The following MAGEA4 variants were observed in gnomAD, a reference collection of about 807,000 sequenced individuals.
MAGEA4 encodes MAGE family member A4.
A neutral mutation model predicts 13.7 loss-of-function variants in MAGEA4; 1 was observed. That is an observed-to-expected ratio of 0.07 (90% CI 0.03 to 0.35). MAGEA4 has a LOEUF of 0.35. MAGEA4 is among the 10% of genes least tolerant of loss of function. The pLI is 0.99. For synonymous variants in MAGEA4, 132 were observed against 101.1 expected (o/e 1.31, Z -1.83); for missense variants, 312 against 245.1 (o/e 1.27, Z -1.82).
chrX:151,913,721 C>A (rs1433870892), intron 1 of MAGEA4: 3 of 505,001 alleles, frequency 5.9e-6, no homozygotes, highest in Non-Finnish European at 7.3e-6. Context: ...CACCACCCCA[C>A]TGCCTCTGAA....
At chrX:151,919,806 C>T in intron 1 of MAGEA4, 4 of 729,511 alleles carry the variant, frequency 5.5e-6, no homozygotes, top group Non-Finnish European at 6.5e-6. Flanking sequence ...GCTCCCAGCC[C>T]TGGGCCACTC....
rs1183177138 is a variant in MAGEA4, at chrX:151,917,861, G to A, written c.-138+4892G>A. On this transcript the variant is annotated intron_variant, in intron 1 of 2. Coordinates refer to ENST00000276344, the MANE Select transcript of MAGEA4 (RefSeq NM_001011548.1). The stretch of plus-strand genomic sequence containing the variant: ...GGAGTCAGAGCTTGGGGTGTTTAGT[G>A]TAAGACTAGTGAGGCCAGGCTCTGC... Among the ~76,000 whole-genome samples the A allele has an allele frequency of 1.2e-4, 12 of 101,324 alleles. No homozygotes were observed. In the South Asian group the frequency reaches 6.1e-3, roughly 52 times the overall value. The allele number at this position is 101,324 out of a possible 115,157, so 88.0% of individuals were successfully genotyped here.
intron 1 of MAGEA4, among the ~76,000 whole-genome samples, chrX:151,920,760 T>C (rs987042459): frequency 9.4e-6 from 1 of 106,726 alleles, no homozygotes; most frequent in Admixed American, 1.0e-4. Context: ...CACTGACTTG[T>C]GAATTGAGGG....
At chrX:151,913,541 G>A in intron 1 of MAGEA4, 1 of 751,270 alleles carries the variant, frequency 1.3e-6, no homozygotes, top group Non-Finnish European at 1.6e-6. Context: ...CTGACCAGCA[G>A]CTTGGGATTG....
At chrX:151,921,115 C>T (rs949537382) in intron 1 of MAGEA4, among the ~76,000 whole-genome samples, 1 of 112,245 alleles carries the variant, frequency 8.9e-6, no homozygotes, top group East Asian at 2.8e-4. Flanking sequence ...CCCCAAGATC[C>T]TAGTCTAACC....
chrX:151,924,774 T>A lies in MAGEA4; in HGVS notation c.*156T>A. 3.9e-6 allele frequency: 2 copies of A among 512,957 alleles called. No individual in the cohort carries two copies. Among genetic ancestry groups the A allele is most frequent in the East Asian group, 7.8e-5 (2 of 25,635 alleles). 42.3% of individuals were successfully genotyped at this position (512,957 alleles called of 1,213,427 possible). A position where few individuals can be genotyped will look rare whatever the true frequency, so the allele number is the denominator to read the frequency against. ...AGTGTTCTTAGTAGTGGGTTTCTAT[T>A]TTGTTGGATGACTTGGAGATTTATC... On this transcript the variant is annotated 3_prime_UTR_variant, in exon 3 of 3. Coordinates refer to ENST00000276344, the MANE Select transcript of MAGEA4 (RefSeq NM_001011548.1).
At chrX:151,921,990 C>T (rs1933466944) in intron 1 of MAGEA4, among the ~76,000 whole-genome samples, 2 of 111,685 alleles carry the variant, frequency 1.8e-5, no homozygotes, top group Admixed American at 9.4e-5. Context: ...ATTCAGGGGG[C>T]CTTGCATTCC....
Position 151,923,941 on chromosome X carries a change from G to A in MAGEA4, c.277G>A (p.Glu93Lys). 2.5e-6 allele frequency: 3 copies of A among 1,211,710 alleles called. No homozygotes were observed. The highest frequency in any genetic ancestry group is 1.7e-5 in the African/African-American group (1 of 57,937). Reference protein sequence around the residue: ...QPNEGSSSQEEEGPSTSPDAE... With the variant: ...QPNEGSSSQEKEGPSTSPDAE... ...CAATGAGGGTTCCAGCAGCCAAGAA[G>A]AGGAGGGGCCAAGCACCTCGCCTGA... The change falls in exon 3 of 3, where the codon GAG becomes AAG. Residue 93 changes from glutamate (E) to lysine (K), a missense_variant. Transcript: ENST00000276344.
Position 151,924,565 on chromosome X carries a change from G to A in MAGEA4, c.901G>A (p.Ala301Thr). The A allele has an allele frequency of 1.7e-6, 2 of 1,204,438 alleles. No individual in the cohort carries two copies. The highest frequency in any genetic ancestry group is 2.2e-6 in the Non-Finnish European group (2 of 891,776). Residue 301 changes from alanine to threonine, a missense_variant, in exon 3 of 3, where the codon GCC (alanine) becomes ACC (threonine). Ala to Thr is a moderately conservative substitution (Grantham distance 58, BLOSUM62 0). Transcript: ENST00000276344. ...VVRVNARVRI[A>T]YPSLREAALL... is the part of the protein sequence containing the mutation. Reference sequence around the variant, plus strand: ...CAGGGTCAATGCAAGAGTTCGCATTGCCTACCCATCCCTGCGTGAAGCAGC... The same window carrying A: ...CAGGGTCAATGCAAGAGTTCGCATTACCTACCCATCCCTGCGTGAAGCAGC...
At chrX:151,912,620 C>T, upstream of MAGEA4, 1 of 286,062 alleles carries the variant, frequency 3.5e-6, no homozygotes, top group Non-Finnish European at 6.7e-6. Context: ...ATTCCTATCC[C>T]CCACCCCATT....
chrX:151,924,748 C>A lies in MAGEA4; in HGVS notation c.*130C>A. 1 of 692,662 alleles carries A rather than the reference C, an allele frequency of 1.4e-6. No homozygotes were observed. The highest frequency in any genetic ancestry group is 2.1e-6 in the Non-Finnish European group (1 of 484,915). The allele number at this position is 692,662 out of a possible 1,213,427, so 57.1% of individuals were successfully genotyped here. On this transcript the variant is annotated 3_prime_UTR_variant, in exon 3 of 3. Coordinates refer to ENST00000276344, the MANE Select transcript of MAGEA4 (RefSeq NM_001011548.1). ...CTTCACTCTGTTTGAAGAAAATAGT[C>A]AGTGTTCTTAGTAGTGGGTTTCTAT...
In MAGEA4 at chrX:151,923,867, G is replaced by A. The variant is rs199930521; in HGVS notation, c.203G>A (p.Gly68Glu). ...ESAGPPQSPQ[G>E]ASALPTTISF... Reference sequence around the variant, plus strand: ...GCAGGTCCTCCCCAGAGTCCTCAGGGAGCCTCTGCCTTACCCACTACCATC... The same window carrying A: ...GCAGGTCCTCCCCAGAGTCCTCAGGAAGCCTCTGCCTTACCCACTACCATC... The change falls in exon 3 of 3, where the codon GGA becomes GAA. Residue 68 changes from glycine (G) to glutamate (E), a missense_variant. By Grantham distance (98) the Gly-to-Glu change is moderately conservative. Transcript: ENST00000276344. 197 of 1,209,618 alleles carry A rather than the reference G, an allele frequency of 1.6e-4. No homozygotes were observed. The highest frequency in any genetic ancestry group is 1.1e-3 in the Middle Eastern group (5 of 4,376).
chrX:151,922,797 C>T (rs1453456791), intron 1 of MAGEA4, among the ~76,000 whole-genome samples: 1 of 111,608 alleles, frequency 9.0e-6, no homozygotes, highest in East Asian at 2.8e-4. Context: ...AGTGGGAGGC[C>T]TTGGTCTGAG....
At chrX:151,912,544 T>TG, upstream of MAGEA4, 2 of 364,558 alleles carry the variant, frequency 5.5e-6, no homozygotes, top group Non-Finnish European at 1.1e-5. Context: ...GGAGGCAAGG[T>TG]GGGGGCAGGC....
At chrX:151,913,487 A>C in intron 1 of MAGEA4, 6 of 729,204 alleles carry the variant, frequency 8.2e-6, no homozygotes, top group Non-Finnish European at 8.1e-6. Flanking sequence ...ATGTGATGCC[A>C]CTGACTTGCG....
intron 1 of MAGEA4, among the ~76,000 whole-genome samples, chrX:151,918,007 C>G (rs1232497656): frequency 4.0e-5 from 3 of 74,804 alleles, no homozygotes; most frequent in African/African-American, 1.5e-4. Context: ...GCCCCCATCC[C>G]CCACCAGCAC....
chrX:151,923,384 A>G (rs752327085), intron 1 of MAGEA4, 69 bp from the exon 2 acceptor site: 14 of 927,504 alleles, frequency 1.5e-5, no homozygotes, highest in Middle Eastern at 3.9e-4. Context: ...CCTCCCTACC[A>G]TCAATCCTGC....
At chrX:151,920,115 A>G (rs777616500) in intron 1 of MAGEA4, among the ~76,000 whole-genome samples, 1 of 84,859 alleles carries the variant, frequency 1.2e-5, no homozygotes, top group African/African-American at 4.7e-5. Context: ...CACTATCCCC[A>G]TCCAGGTTGA....
At position 151,925,064 on chromosome X, in the gene MAGEA4, C is replaced by T. The variant is rs1192415634; in HGVS notation, c.*446C>T. 7.8e-6 allele frequency: 1 copy of T among 127,413 alleles called. No individual in the cohort carries two copies. Among genetic ancestry groups the T allele is most frequent in the African/African-American group, 3.2e-5 (1 of 30,917 alleles). The allele number at this position is 127,413 out of a possible 1,213,427, so 10.5% of individuals were successfully genotyped here. On this transcript the variant is annotated 3_prime_UTR_variant, in exon 3 of 3. Coordinates refer to ENST00000276344, the MANE Select transcript of MAGEA4 (RefSeq NM_001011548.1). ...AAAGATACTTAATTCCCGCCTTATG[C>T]CTCAGTCTATTCTGTAAAATTTAAA...
Sources: allele counts gnomAD v4.1 joint callset (sites outside exome capture counted in the v4.1 genomes callset), GRCh38; gene constraint gnomAD v4.1.1; transcripts MANE v1.5; gene names NCBI Gene and HGNC (gene_info 2026-07-23, HGNC 2026-07-21).